APOOL: variants seen among roughly 807,000 people sequenced by gnomAD.
APOOL encodes the protein MICOS complex subunit MIC27.
In APOOL, 12 loss-of-function variants were observed where a neutral mutation model predicts 23.1. The ratio of observed to expected loss-of-function variants is 0.52; its 90% CI spans 0.33 to 0.84. The LOEUF is 0.84. Ranked by LOEUF, APOOL falls within the 40% of genes least tolerant of loss-of-function variation. The pLI is 0.02. For synonymous variants in APOOL, 77 were observed against 69.9 expected, an observed-to-expected ratio of 1.10 and a Z score of -0.51; for missense variants, 212 against 199.6, an observed-to-expected ratio of 1.06 and a Z score of -0.37.
Position 85,056,175 on chromosome X carries a change from A to G in APOOL, c.394+250A>G, listed in dbSNP as rs193190736. ...CAGATGAAAACTAGAATGAGATACC[A>G]TGTCAGTCCCAACAACATTCTTTAG... On this transcript the variant is annotated intron_variant, in intron 5 of 8. Transcript: ENST00000373173. Among the ~76,000 whole-genome samples the G allele has an allele frequency of 3.4e-3, 374 of 111,534 alleles. 2 individuals carry two copies. The highest frequency in any genetic ancestry group is 0.012 in the African/African-American group (360 of 30,749).
chrX:85,009,592 A>G lies in APOOL; in HGVS notation c.15+5665A>G, dbSNP rs12389877. 9.8e-3 allele frequency among the ~76,000 whole-genome samples: 1,093 copies of G among 111,602 alleles called. 14 individuals carry two copies. The highest frequency in any genetic ancestry group is 0.034 in the African/African-American group (1,043 of 30,756). ...TCCTTGCATCTCTGGGATAAAACTTACTGATCATGGTGAATGAGCCTTTTA... is the reference window on the plus strand; with the variant it reads ...TCCTTGCATCTCTGGGATAAAACTTGCTGATCATGGTGAATGAGCCTTTTA... On this transcript the variant is annotated intron_variant, in intron 1 of 8. Coordinates refer to ENST00000373173, the MANE Select transcript of APOOL (RefSeq NM_198450.6).
chrX:85,030,622 G>A (rs956259896), intron 1 of APOOL, among the ~76,000 whole-genome samples: 3 of 111,798 alleles, frequency 2.7e-5, no homozygotes, highest in Non-Finnish European at 5.6e-5. Flanking sequence ...GGATGGGACT[G>A]GCAGCCATTC....
rs1371555425 is a variant in APOOL at position 85,087,880 on chromosome X, A to G, written c.*202A>G. On this transcript the variant is annotated 3_prime_UTR_variant, in exon 9 of 9. Coordinates refer to ENST00000373173, the MANE Select transcript of APOOL (RefSeq NM_198450.6). Reference sequence around the variant, plus strand: ...CTGTGAATGCAGTGTAAACAATATTAAATGATTGATGAGGAGACTTAGGTA... The same window carrying G: ...CTGTGAATGCAGTGTAAACAATATTGAATGATTGATGAGGAGACTTAGGTA... 6.2e-6 allele frequency: 2 copies of G among 320,964 alleles called. No homozygotes were observed. The highest frequency in any genetic ancestry group is 5.5e-5 in the African/African-American group (2 of 36,136). The allele number at this position is 320,964 out of a possible 1,213,427, so 26.5% of individuals were successfully genotyped here.
At chrX:85,066,640 T>C (rs16980077) in intron 5 of APOOL, among the ~76,000 whole-genome samples, 4,921 of 110,976 alleles carry the variant, frequency 0.044, 244 homozygotes, top group African/African-American at 0.14. Context: ...AGGAGTTATG[T>C]ACCTGTTAAA....
intron 6 of APOOL, among the ~76,000 whole-genome samples, chrX:85,072,315 A>G (rs1923697625): frequency 8.9e-6 from 1 of 111,802 alleles, no homozygotes. Context: ...ACAAAGATTT[A>G]AAAGACTTAT....
At chrX:85,087,093 G>T (rs1265693775) in intron 8 of APOOL, among the ~76,000 whole-genome samples, 1 of 111,062 alleles carries the variant, frequency 9.0e-6, no homozygotes, top group Non-Finnish European at 1.9e-5. Flanking sequence ...CTTTACCATG[G>T]CCCTGTGTGA....
chrX:85,092,599 G>C lies in APOOL; in HGVS notation c.*4921G>C. The C allele has an allele frequency of 4.4e-6, 5 of 1,146,820 alleles. No individual in the cohort carries two copies. The highest frequency in any genetic ancestry group is 5.9e-6 in the Non-Finnish European group (5 of 844,557). 94.5% of individuals were successfully genotyped at this position (1,146,820 alleles called of 1,213,427 possible). A position where few individuals can be genotyped will look rare whatever the true frequency, so the allele number is the denominator to read the frequency against. On this transcript the variant is annotated 3_prime_UTR_variant, in exon 9 of 9. Transcript: ENST00000373173. Reference sequence around the variant, plus strand: ...AAACAAGCAAATATTACTTTCATTTGAAAGTATAATCTTCGTTAACACATA... The same window carrying C: ...AAACAAGCAAATATTACTTTCATTTCAAAGTATAATCTTCGTTAACACATA...
At chrX:85,060,377 A>C (rs1923162357) in intron 5 of APOOL, among the ~76,000 whole-genome samples, 1 of 106,964 alleles carries the variant, frequency 9.3e-6, no homozygotes, top group Admixed American at 1.0e-4. Context: ...TTTTGGTTCC[A>C]TATGAACTTT....
chrX:85,059,290 A>G (rs1170544626), intron 5 of APOOL, among the ~76,000 whole-genome samples: 2 of 109,561 alleles, frequency 1.8e-5, no homozygotes, highest in African/African-American at 6.6e-5. Context: ...TTGGACATTT[A>G]GGTTGGTTCC....
chrX:85,008,887 A>G (rs1052744320), intron 1 of APOOL, among the ~76,000 whole-genome samples: 9 of 111,760 alleles, frequency 8.1e-5, no homozygotes, highest in Non-Finnish European at 1.5e-4. Flanking sequence ...TCATGAACAT[A>G]GGATATCTTG....
At chrX:85,014,120 T>C (rs1921384675) in intron 1 of APOOL, among the ~76,000 whole-genome samples, 1 of 111,815 alleles carries the variant, frequency 8.9e-6, no homozygotes, top group Admixed American at 9.5e-5. Flanking sequence ...AAGTGTGTTT[T>C]GTCTGATATA....
intron 1 of APOOL, among the ~76,000 whole-genome samples, chrX:85,006,204 G>T (rs1239989990): frequency 9.0e-6 from 1 of 111,719 alleles, no homozygotes; most frequent in Non-Finnish European, 1.9e-5. Flanking sequence ...ATTGTATGGG[G>T]TTAAGAAAAG....
At chrX:85,086,456 A>G (rs893945143) in intron 8 of APOOL, among the ~76,000 whole-genome samples, 18 of 111,548 alleles carry the variant, frequency 1.6e-4, no homozygotes, top group African/African-American at 4.6e-4. Flanking sequence ...AATAAATGTC[A>G]CCTCCATTCT....
chrX:85,069,252 T>C (rs937508546), intron 6 of APOOL, among the ~76,000 whole-genome samples: 1 of 110,675 alleles, frequency 9.0e-6, no homozygotes, highest in Non-Finnish European at 1.9e-5. Flanking sequence ...TCCAAAACTT[T>C]ATGAAAAGTC....
rs1378772957 is a variant in APOOL at position 85,017,331 on chromosome X, C to T, written c.15+13404C>T. ...ACTCACCCAGCTCCCATGCATTTGG[C>T]GAGGCCGATCTTGATTCTGCAGTGC... is the stretch of plus-strand genomic sequence containing the variant. On this transcript the variant is annotated intron_variant, in intron 1 of 8. Transcript: ENST00000373173. Among the ~76,000 whole-genome samples, 19 of 111,259 alleles carry T rather than the reference C, an allele frequency of 1.7e-4. No homozygotes were observed. The Admixed American group carries it at 1.7e-3, about 10-fold the overall frequency.
At chrX:85,064,068 A>G (rs1281081865) in intron 5 of APOOL, among the ~76,000 whole-genome samples, 4 of 110,774 alleles carry the variant, frequency 3.6e-5, no homozygotes, top group Non-Finnish European at 7.6e-5. Context: ...TTTCTGGCCT[A>G]TTCAGGGATT....
chrX:85,035,251 T>G (rs774692335), intron 1 of APOOL, among the ~76,000 whole-genome samples: 2 of 111,864 alleles, frequency 1.8e-5, no homozygotes, highest in South Asian at 7.5e-4. Context: ...GCCACTTGTA[T>G]GTTATCTTTT....
Position 85,092,425 on chromosome X carries a change from C to G in APOOL, c.*4747C>G. 8.4e-7 allele frequency: 1 copy of G among 1,185,763 alleles called. No individual in the cohort carries two copies. The highest frequency in any genetic ancestry group is 1.1e-6 in the Non-Finnish European group (1 of 882,426). ...CCATGCCATGTCCAGGAGTTCTTCT[C>G]TGTTAAACCTGAAGAGATGCCAGCC... is the stretch of plus-strand genomic sequence containing the variant. On this transcript the variant is annotated 3_prime_UTR_variant, in exon 9 of 9. Coordinates refer to ENST00000373173, the MANE Select transcript of APOOL (RefSeq NM_198450.6).
chrX:85,059,506 T>C (rs1923108782), intron 5 of APOOL, among the ~76,000 whole-genome samples: 1 of 109,640 alleles, frequency 9.1e-6, no homozygotes, highest in Non-Finnish European at 1.9e-5. Flanking sequence ...AGTGTAAAAG[T>C]GTTCCTATTT....
Sources: allele counts gnomAD v4.1 joint callset (sites outside exome capture counted in the v4.1 genomes callset), GRCh38; gene constraint gnomAD v4.1.1; transcripts MANE v1.5; gene names NCBI Gene and HGNC (gene_info 2026-07-23, HGNC 2026-07-21).